The following CD109 variants were observed in gnomAD, a reference collection of about 807,000 sequenced individuals.
The protein encoded by CD109 is CD109 antigen.
Under a neutral mutation model 165.8 loss-of-function variants are expected in CD109, and 149 were observed. That is an observed-to-expected ratio of 0.90 (90% CI 0.79 to 1.03). The LOEUF is 1.03. Ranked by LOEUF, CD109 falls within the 50% of genes least tolerant of loss-of-function variation. The pLI, the probability that CD109 is intolerant of heterozygous loss-of-function variation, is 0.00. For synonymous variants in CD109, 585 were observed against 592.1 expected (o/e 0.99, Z 0.18); for missense variants, 1,712 against 1,677.8 (o/e 1.02, Z -0.36).
At position 73,766,148 on chromosome 6, in the gene CD109, G is replaced by A. The variant is rs1349613447; in HGVS notation, c.1326G>A (p.Gln442=). The change falls in exon 11 of 33, where the codon CAG becomes CAA. Residue 442 remains glutamine, a synonymous_variant. Transcript: ENST00000287097. ...FPILEDSSEL[Q]LKAYFLGSKS... ...TCCTGGAGGATTCCAGTGAGCTACA[G>A]TTGAAGGTGCCGTCTGTTTCCCATC... The A allele has an allele frequency of 1.6e-5, 26 of 1,613,230 alleles. No individual in the cohort carries two copies. The highest frequency in any genetic ancestry group is 2.2e-5 in the Non-Finnish European group (26 of 1,179,198).
intron 7 of CD109, 38 bp from the exon 8 acceptor site, chr6:73,762,346 A>C: frequency 8.2e-7 from 1 of 1,222,424 alleles, no homozygotes; most frequent in Non-Finnish European, 1.2e-6. Flanking sequence ...GACAATATCA[A>C]GTTGATACAT....
At chr6:73,729,758 C>T (rs1027713319) in intron 3 of CD109, among the ~76,000 whole-genome samples, 2 of 152,024 alleles carry the variant, frequency 1.3e-5, no homozygotes, top group African/African-American at 4.8e-5. Flanking sequence ...AGGTGATCTG[C>T]CTGCCTTGGT....
At chr6:73,802,287 G>GTATATATATATA (rs1325164770) in intron 23 of CD109, among the ~76,000 whole-genome samples, 3 of 94,784 alleles carry the variant, frequency 3.2e-5, no homozygotes, top group African/African-American at 1.3e-4. Flanking sequence ...GTGTGTGTGT[G>GTATATATATATA]TGTATATATA....
At chr6:73,742,233 A>T (rs1246272466) in intron 5 of CD109, among the ~76,000 whole-genome samples, 1 of 129,574 alleles carries the variant, frequency 7.7e-6, no homozygotes, top group Non-Finnish European at 1.6e-5. Flanking sequence ...TGTGGTGTTG[A>T]TTAGTCTTAT....
At chr6:73,761,070 CAA>C (rs3219564) in intron 7 of CD109, among the ~76,000 whole-genome samples, 7 of 129,832 alleles carry the variant, frequency 5.4e-5, no homozygotes, top group African/African-American at 1.8e-4. Flanking sequence ...CACACACACA[CAA>C]ACCCAGAAAC....
At chr6:73,722,629 C>T (rs1382052259) in intron 2 of CD109, among the ~76,000 whole-genome samples, 2 of 152,146 alleles carry the variant, frequency 1.3e-5, no homozygotes, top group Non-Finnish European at 2.9e-5. Flanking sequence ...ATTTTATTTC[C>T]CAAGGGCCTG....
intron 5 of CD109, among the ~76,000 whole-genome samples, chr6:73,750,241 A>G (rs2150206647): frequency 6.6e-6 from 1 of 152,294 alleles, no homozygotes; most frequent in Non-Finnish European, 1.5e-5. Context: ...TATCAGTTCT[A>G]GGGAAGTTAG....
chr6:73,820,380 TGATGA>T, intron 31 of CD109, 76 bp from the exon 32 acceptor site: 1 of 707,106 alleles, frequency 1.4e-6, no homozygotes, highest in Non-Finnish European at 2.4e-6. Context: ...TTTCCTAAAA[TGATGA>T]GAAAAAAGAA....
At chr6:73,821,020 A>G (rs1015898854) in intron 32 of CD109, among the ~76,000 whole-genome samples, 4 of 152,160 alleles carry the variant, frequency 2.6e-5, no homozygotes, top group African/African-American at 9.7e-5. Context: ...AGGGACATGG[A>G]TGAAGCTGGA....
intron 2 of CD109, among the ~76,000 whole-genome samples, chr6:73,698,007 C>T (rs1305482293): frequency 6.6e-6 from 1 of 152,110 alleles, no homozygotes; most frequent in African/African-American, 2.4e-5. Flanking sequence ...AACACAAAAC[C>T]ATATTTATTG....
At chr6:73,779,685 G>C (rs1774401283) in intron 15 of CD109, among the ~76,000 whole-genome samples, 1 of 152,028 alleles carries the variant, frequency 6.6e-6, no homozygotes, top group Non-Finnish European at 1.5e-5. Flanking sequence ...GCAATGAACG[G>C]TGGCATACAA....
At chr6:73,768,889 C>T (rs1417089603) in intron 14 of CD109, among the ~76,000 whole-genome samples, 2 of 152,232 alleles carry the variant, frequency 1.3e-5, no homozygotes, top group East Asian at 3.8e-4. Context: ...TCTCCATCCT[C>T]TTATGTAAAA....
At chr6:73,726,685 A>G (rs1177486545) in intron 3 of CD109, among the ~76,000 whole-genome samples, 1 of 152,234 alleles carries the variant, frequency 6.6e-6, no homozygotes, top group African/African-American at 2.4e-5. Context: ...TGCTTACCTT[A>G]TGTATCCTAG....
At chr6:73,759,502 GC>G (rs1773529640) in intron 7 of CD109, among the ~76,000 whole-genome samples, 1 of 152,022 alleles carries the variant, frequency 6.6e-6, no homozygotes, top group Non-Finnish European at 1.5e-5. Flanking sequence ...AATTAGTCAA[GC>G]TTTTATTTTC....
chr6:73,702,184 G>T (rs1349193055), intron 2 of CD109, among the ~76,000 whole-genome samples: 2 of 152,000 alleles, frequency 1.3e-5, no homozygotes, highest in African/African-American at 4.8e-5. Context: ...TTTTTTTAAA[G>T]ATTTTTTAAA....
At chr6:73,815,564 GT>G (rs1006709985) in intron 30 of CD109, among the ~76,000 whole-genome samples, 4 of 151,568 alleles carry the variant, frequency 2.6e-5, no homozygotes, top group Middle Eastern at 3.4e-3. Context: ...CAAGAGGATA[GT>G]TTTTTTTTAG....
chr6:73,803,256 G>T lies in CD109; in HGVS notation c.2915G>T (p.Gly972Val), dbSNP rs201022249. ...QRELLYQREDGSFSAFGNYDP... is the reference protein window; with the variant it reads ...QRELLYQREDVSFSAFGNYDP... Reference sequence around the variant, plus strand: ...GAACTTCTCTATCAGAGGGAAGATGGCTCTTTCAGTGCTTTTGGGAATTAT... The same window carrying T: ...GAACTTCTCTATCAGAGGGAAGATGTCTCTTTCAGTGCTTTTGGGAATTAT... The change falls in exon 24 of 33, where the codon GGC becomes GTC. Residue 972 changes from glycine (G) to valine (V), a missense_variant. Gly to Val is a moderately radical substitution (Grantham distance 109, BLOSUM62 -3). Transcript: ENST00000287097. 402 of 1,610,798 alleles carry T rather than the reference G, an allele frequency of 2.5e-4. 1 individual carries two copies. Among genetic ancestry groups the T allele is most frequent in the Admixed American group, 3.4e-4 (20 of 59,316 alleles).
At chr6:73,712,553 A>G (rs142386142) in intron 2 of CD109, among the ~76,000 whole-genome samples, 31 of 152,268 alleles carry the variant, frequency 2.0e-4, no homozygotes, top group Middle Eastern at 6.8e-3. Context: ...ATGATTTTCC[A>G]AAGTTATTTG....
upstream of CD109, among the ~76,000 whole-genome samples, chr6:73,691,729 C>T (rs1350572181): frequency 1.3e-5 from 2 of 152,166 alleles, no homozygotes; most frequent in Admixed American, 1.3e-4. Context: ...CAATGGTTTG[C>T]ACAAACTGCC....
Sources: gnomAD v4.1 joint callset for allele counts (sites outside exome capture counted in the v4.1 genomes callset) on GRCh38, gnomAD v4.1.1 for gene constraint, MANE v1.5 for transcripts, NCBI Gene and HGNC (gene_info 2026-07-23, HGNC 2026-07-21) for gene names.